KCNB2: variants seen among roughly 807,000 people sequenced by gnomAD.
The protein encoded by KCNB2 is delayed rectifier potassium channel protein.
KCNB2 carries 15 observed loss-of-function variants against 61.5 expected under a neutral mutation model. The observed-to-expected ratio is 0.24, with a 90% CI of 0.16 to 0.38. KCNB2 has a LOEUF of 0.38. Among genes scored for constraint, KCNB2 ranks in the 10% least tolerant of loss-of-function variants. The pLI is 1.00. For synonymous variants in KCNB2, 457 were observed against 446.0 expected (o/e 1.02, Z -0.31); for missense variants, 828 against 1,125.2 (o/e 0.74, Z 3.78).
At chr8:72,870,857 G>T (rs1280077889) in intron 2 of KCNB2, among the ~76,000 whole-genome samples, 2 of 152,164 alleles carry the variant, frequency 1.3e-5, no homozygotes, top group Non-Finnish European at 2.9e-5. Flanking sequence ...TGCACCTGTG[G>T]TCCCAGCTAC....
At chr8:72,657,553 G>A (rs1322631578) in intron 2 of KCNB2, among the ~76,000 whole-genome samples, 1 of 152,022 alleles carries the variant, frequency 6.6e-6, no homozygotes, top group Non-Finnish European at 1.5e-5. Context: ...GAAGGAAATG[G>A]AACATTTATT....
At chr8:72,643,858 A>G (rs1806090558) in intron 2 of KCNB2, among the ~76,000 whole-genome samples, 1 of 152,078 alleles carries the variant, frequency 6.6e-6, no homozygotes, top group African/African-American at 2.4e-5. Context: ...ACCACCCCGT[A>G]CTCAAGGAAA....
chr8:72,901,994 A>T (rs1165797104), intron 2 of KCNB2, among the ~76,000 whole-genome samples: 1 of 152,090 alleles, frequency 6.6e-6, no homozygotes, highest in Non-Finnish European at 1.5e-5. Flanking sequence ...AAAGGGAAGT[A>T]CTCAACAAGT....
chr8:72,564,514 AGT>A (rs1806591294), intron 1 of KCNB2, among the ~76,000 whole-genome samples: 1 of 152,204 alleles, frequency 6.6e-6, no homozygotes, highest in African/African-American at 2.4e-5. Flanking sequence ...TTGAGATGAC[AGT>A]GTACCTACAA....
At chr8:72,824,486 G>A (rs568011637) in intron 2 of KCNB2, among the ~76,000 whole-genome samples, 4 of 152,174 alleles carry the variant, frequency 2.6e-5, no homozygotes, top group South Asian at 2.1e-4. Flanking sequence ...CCACCAGACC[G>A]CTGCTGCTGA....
At chr8:72,659,258 A>G (rs1806341926) in intron 2 of KCNB2, among the ~76,000 whole-genome samples, 1 of 152,176 alleles carries the variant, frequency 6.6e-6, no homozygotes, top group Non-Finnish European at 1.5e-5. Flanking sequence ...CAGTGGAGGA[A>G]GTGACTGCAA....
At chr8:72,832,591 T>C (rs1179722986) in intron 2 of KCNB2, among the ~76,000 whole-genome samples, 1 of 152,194 alleles carries the variant, frequency 6.6e-6, no homozygotes, top group Admixed American at 6.5e-5. Flanking sequence ...TATTTGTAAG[T>C]GTCAAGAGCT....
At position 72,738,658 on chromosome 8, in the gene KCNB2, C is replaced by T. The variant is rs532110728; in HGVS notation, c.579+170345C>T. Among the ~76,000 whole-genome samples the T allele has an allele frequency of 3.9e-5, 6 of 152,326 alleles. No homozygotes were observed. The South Asian group carries it at 1.2e-3, about 32-fold the overall frequency. On this transcript the variant is annotated intron_variant, in intron 2 of 2. Coordinates refer to ENST00000523207, the MANE Select transcript of KCNB2 (RefSeq NM_004770.3). Reference sequence around the variant, plus strand: ...AGAAAAGCAAGTCATCTCTACTCCACTCCTTGCTGTCCTGCTGTAACTGCA... The same window carrying T: ...AGAAAAGCAAGTCATCTCTACTCCATTCCTTGCTGTCCTGCTGTAACTGCA...
chr8:72,689,268 T>C (rs1806904365), intron 2 of KCNB2, among the ~76,000 whole-genome samples: 1 of 152,138 alleles, frequency 6.6e-6, no homozygotes, highest in Non-Finnish European at 1.5e-5. Flanking sequence ...ACAGGCCCTG[T>C]CTCCAAAACT....
chr8:72,807,441 T>C (rs1809243069), intron 2 of KCNB2, among the ~76,000 whole-genome samples: 1 of 152,156 alleles, frequency 6.6e-6, no homozygotes, highest in Admixed American at 6.5e-5. Context: ...CTAATATAGA[T>C]CTTGTTGATG....
At chr8:72,851,453 G>C (rs1288199222) in intron 2 of KCNB2, among the ~76,000 whole-genome samples, 3 of 152,140 alleles carry the variant, frequency 2.0e-5, no homozygotes, top group Non-Finnish European at 2.9e-5. Flanking sequence ...ATTTTGATGT[G>C]GAGAATTTGA....
At chr8:72,678,273 C>G (rs1806694603) in intron 2 of KCNB2, among the ~76,000 whole-genome samples, 2 of 152,192 alleles carry the variant, frequency 1.3e-5, no homozygotes, top group Non-Finnish European at 2.9e-5. Context: ...AATAATTTCC[C>G]TGTAGCTTAC....
At chr8:72,799,524 A>G (rs188960452) in intron 2 of KCNB2, among the ~76,000 whole-genome samples, 27 of 152,268 alleles carry the variant, frequency 1.8e-4, no homozygotes, top group African/African-American at 6.0e-4. Flanking sequence ...GATGAAACAA[A>G]TTTCCTTAGC....
chr8:72,794,375 G>A (rs1285841216), intron 2 of KCNB2, among the ~76,000 whole-genome samples: 1 of 151,922 alleles, frequency 6.6e-6, no homozygotes, highest in Non-Finnish European at 1.5e-5. Flanking sequence ...GACCATCTTG[G>A]CCAACATGGT....
chr8:72,618,620 C>T (rs1805658531), intron 2 of KCNB2: 1 of 153,136 alleles, frequency 6.5e-6, no homozygotes, highest in Non-Finnish European at 1.5e-5. Flanking sequence ...CTTCTAAAAA[C>T]ACAGAAATTA....
intron 2 of KCNB2, among the ~76,000 whole-genome samples, chr8:72,823,491 C>T (rs896109327): frequency 2.6e-5 from 4 of 152,144 alleles, no homozygotes; most frequent in Non-Finnish European, 5.9e-5. Context: ...GATCTGAGTT[C>T]AGTCAAACTG....
chr8:72,577,488 A>G (rs1173409092), intron 2 of KCNB2, among the ~76,000 whole-genome samples: 1 of 152,230 alleles, frequency 6.6e-6, no homozygotes, highest in Admixed American at 6.5e-5. Flanking sequence ...CAGTCAGCCC[A>G]TTCAGAATAC....
At chr8:72,626,689 A>G (rs1267105115) in intron 2 of KCNB2, among the ~76,000 whole-genome samples, 1 of 152,236 alleles carries the variant, frequency 6.6e-6, no homozygotes, top group Non-Finnish European at 1.5e-5. Flanking sequence ...AAGATCCAAC[A>G]ATGAGAAAAT....
At chr8:72,583,139 T>G (rs891021590) in intron 2 of KCNB2, among the ~76,000 whole-genome samples, 1 of 152,184 alleles carries the variant, frequency 6.6e-6, no homozygotes, top group African/African-American at 2.4e-5. Context: ...AGCATGCTAC[T>G]TGGTGATAAA....
Sources: allele counts gnomAD v4.1 joint callset (sites outside exome capture counted in the v4.1 genomes callset), GRCh38; gene constraint gnomAD v4.1.1; transcripts MANE v1.5; gene names NCBI Gene and HGNC (gene_info 2026-07-23, HGNC 2026-07-21).